The following ADARB2 variants were observed in gnomAD, a reference collection of about 807,000 sequenced individuals.
ADARB2 encodes inactive double-stranded RNA-specific editase B2.
A neutral mutation model predicts 62.2 loss-of-function variants in ADARB2; 25 were observed. The ratio of observed to expected loss-of-function variants is 0.40; its 90% confidence interval spans 0.29 to 0.56. The LOEUF is 0.56. ADARB2 is among the 20% of genes least tolerant of loss of function. The probability of loss-of-function intolerance (pLI) is 0.43; values close to 1 mark genes in which losing one functional copy is unlikely to be tolerated. For synonymous variants in ADARB2, 572 were observed against 500.8 expected, an observed-to-expected ratio of 1.14 and a Z score of -1.90; for missense variants, 1,071 against 1,077.4, an observed-to-expected ratio of 0.99 and a Z score of 0.08.
rs552928180 is a variant in ADARB2, at chr10:1,219,708, G to A, written c.1514-2589C>T. Among the ~76,000 whole-genome samples the A allele has an allele frequency of 1.9e-3, 288 of 152,220 alleles. 2 individuals carry two copies. Among genetic ancestry groups the A allele is most frequent in the African/African-American group, 6.6e-3 (273 of 41,552 alleles). Reference sequence around the variant, plus strand: ...TGGTGATAATGGAGGTAATGGTGGTGGTGATGGTGTTAATGGAGGTGATGG... The same window carrying A: ...TGGTGATAATGGAGGTAATGGTGGTAGTGATGGTGTTAATGGAGGTGATGG... On this transcript the variant is annotated intron_variant, in intron 6 of 9. Coordinates refer to ENST00000381312, the MANE Select transcript of ADARB2 (RefSeq NM_018702.4).
intron 1 of ADARB2, among the ~76,000 whole-genome samples, chr10:1,581,077 T>C (rs35693385): frequency 0.026 from 3,933 of 152,314 alleles, 63 homozygotes; most frequent in Middle Eastern, 0.051. Flanking sequence ...TTTGGGTAAA[T>C]ACTCAGCGTG....
intron 4 of ADARB2, among the ~76,000 whole-genome samples, chr10:1,245,866 C>G (rs1202591038): frequency 1.3e-5 from 2 of 151,492 alleles, no homozygotes; most frequent in African/African-American, 4.9e-5. Flanking sequence ...AATGGGATGG[C>G]TGGATCAAAT....
chr10:1,361,793 G>A (rs1832289285), intron 3 of ADARB2, among the ~76,000 whole-genome samples: 1 of 152,196 alleles, frequency 6.6e-6, no homozygotes, highest in African/African-American at 2.4e-5. Context: ...TCTGTCCTAG[G>A]TGTTGTGATG....
At chr10:1,234,493 T>C (rs770708642) in intron 5 of ADARB2, among the ~76,000 whole-genome samples, 1 of 151,960 alleles carries the variant, frequency 6.6e-6, no homozygotes, top group Non-Finnish European at 1.5e-5. Context: ...CATGCTGGAG[T>C]GCAGTAGCGT....
intron 1 of ADARB2, among the ~76,000 whole-genome samples, chr10:1,440,422 C>CT (rs113675218): frequency 0.081 from 11,700 of 143,980 alleles, 560 homozygotes; most frequent in East Asian, 0.23. Context: ...CTACAAACGC[C>CT]TTTTTTTTTT....
At chr10:1,599,975 G>A (rs1434845563) in intron 1 of ADARB2, among the ~76,000 whole-genome samples, 1 of 152,054 alleles carries the variant, frequency 6.6e-6, no homozygotes, top group Non-Finnish European at 1.5e-5. Context: ...AAACACTTGG[G>A]CTCCAGAGAT....
intron 4 of ADARB2, among the ~76,000 whole-genome samples, chr10:1,266,546 C>G (rs1362323442): frequency 2.0e-5 from 3 of 152,044 alleles, no homozygotes; most frequent in African/African-American, 4.8e-5. Context: ...CCTAAGGAGA[C>G]CTGAGCTGAT....
rs1013344741 is a variant in ADARB2, at chr10:1,181,537, C to A, written c.*1656G>T. 1.3e-5 allele frequency: 2 copies of A among 152,210 alleles called. No homozygotes were observed. The highest frequency in any genetic ancestry group is 4.8e-5 in the African/African-American group (2 of 41,448). The allele number at this position is 152,210 out of a possible 1,614,324, so 9.4% of individuals were successfully genotyped here. A position where few individuals can be genotyped will look rare whatever the true frequency, so the allele number is the denominator to read the frequency against. On this transcript the variant is annotated 3_prime_UTR_variant, in exon 10 of 10. Transcript: ENST00000381312. Reference sequence around the variant, plus strand: ...TGATTTTAAATCCCAGGAAAAGTTTCTTTTTCCATACTAATATCTCTACTT... The same window carrying A: ...TGATTTTAAATCCCAGGAAAAGTTTATTTTTCCATACTAATATCTCTACTT...
rs184565498 is a variant in ADARB2, at chr10:1,632,443, C to G, written c.100+104608G>C. On this transcript the variant is annotated intron_variant, in intron 1 of 9. Transcript: ENST00000381312. Reference sequence around the variant, plus strand: ...ATGGGCACACAAGTGCTTGCACACACATGCACACTACACATGTGCACACAC... The same window carrying G: ...ATGGGCACACAAGTGCTTGCACACAGATGCACACTACACATGTGCACACAC... 5.9e-5 allele frequency among the ~76,000 whole-genome samples: 9 copies of G among 152,104 alleles called. No homozygotes were observed. In the East Asian group the frequency reaches 1.7e-3, roughly 29 times the overall value.
intron 1 of ADARB2, among the ~76,000 whole-genome samples, chr10:1,661,147 C>G (rs1834241716): frequency 6.6e-6 from 1 of 152,176 alleles, no homozygotes; most frequent in South Asian, 2.1e-4. Context: ...CAGCCAGAAG[C>G]CCCTCTCAGG....
intron 3 of ADARB2, among the ~76,000 whole-genome samples, chr10:1,333,499 C>T (rs1831947401): frequency 1.3e-5 from 2 of 152,070 alleles, no homozygotes; most frequent in African/African-American, 4.8e-5. Flanking sequence ...CAGATGGGCC[C>T]CACTTAATTT....
At chr10:1,282,050 A>G (rs1045043982) in intron 3 of ADARB2, among the ~76,000 whole-genome samples, 23 of 152,110 alleles carry the variant, frequency 1.5e-4, no homozygotes, top group African/African-American at 5.3e-4. Flanking sequence ...AGCAAGTCTC[A>G]CCTCCTGGCT....
At chr10:1,220,347 T>TGGA (rs1830682746) in intron 6 of ADARB2, among the ~76,000 whole-genome samples, 2 of 119,030 alleles carry the variant, frequency 1.7e-5, no homozygotes, top group African/African-American at 6.2e-5. Context: ...ATGATGGTGA[T>TGGA]TGTGGTGATG....
At chr10:1,544,700 A>C (rs999339946) in intron 1 of ADARB2, among the ~76,000 whole-genome samples, 1 of 152,140 alleles carries the variant, frequency 6.6e-6, no homozygotes, top group Middle Eastern at 3.2e-3. Context: ...GTGTACATAC[A>C]GTGTGAAATG....
chr10:1,478,136 G>C (rs1831425034), intron 1 of ADARB2, among the ~76,000 whole-genome samples: 1 of 152,252 alleles, frequency 6.6e-6, no homozygotes, highest in South Asian at 2.1e-4. Flanking sequence ...CCAGTCATGG[G>C]AGCTCTGCTG....
intron 8 of ADARB2, among the ~76,000 whole-genome samples, chr10:1,196,107 C>T (rs572110817): frequency 2.2e-4 from 33 of 152,212 alleles, no homozygotes; most frequent in African/African-American, 7.7e-4. Context: ...AGCTCCATTC[C>T]CTCATTCCTC....
intron 3 of ADARB2, among the ~76,000 whole-genome samples, chr10:1,338,249 G>A (rs368414752): frequency 1.3e-5 from 2 of 152,278 alleles, no homozygotes; most frequent in South Asian, 2.1e-4. Flanking sequence ...ACCGAACATA[G>A]CTTCAGAGCT....
chr10:1,524,275 G>T (rs898991290), intron 1 of ADARB2, among the ~76,000 whole-genome samples: 1 of 152,192 alleles, frequency 6.6e-6, no homozygotes, highest in Non-Finnish European at 1.5e-5. Flanking sequence ...AGCCTCACAG[G>T]TGTTTTGATG....
chr10:1,323,371 T>C (rs983835349), intron 3 of ADARB2, among the ~76,000 whole-genome samples: 6 of 152,040 alleles, frequency 3.9e-5, no homozygotes, highest in African/African-American at 1.2e-4. Context: ...ATTGGAAGAC[T>C]GAAATAGAAG....
Sources: allele counts gnomAD v4.1 joint callset (sites outside exome capture counted in the v4.1 genomes callset), GRCh38; gene constraint gnomAD v4.1.1; transcripts MANE v1.5; gene names NCBI Gene and HGNC (gene_info 2026-07-23, HGNC 2026-07-21).